ALOX15: variants seen among roughly 807,000 people sequenced by gnomAD.
The protein encoded by ALOX15 is arachidonate 15-lipoxygenase.
A neutral mutation model predicts 71.7 loss-of-function variants in ALOX15; 68 were observed. That is an observed-to-expected ratio of 0.95 (90% CI 0.78 to 1.16). The LOEUF is 1.16. Among genes scored for constraint, ALOX15 ranks in the 50% most tolerant of loss-of-function variants. The pLI is 0.00. For synonymous variants in ALOX15, 346 were observed against 333.3 expected, an observed-to-expected ratio of 1.04 and a Z score of -0.42; for missense variants, 798 against 818.8, an observed-to-expected ratio of 0.97 and a Z score of 0.31.
rs143365387 is a variant in ALOX15 at position 4,635,864 on chromosome 17, G to C, written c.1056C>G (p.Phe352Leu). The C allele has an allele frequency of 1.2e-6, 2 of 1,614,146 alleles. No individual in the cohort carries two copies. Among genetic ancestry groups the C allele is most frequent in the Admixed American group, 1.7e-5 (1 of 60,014 alleles). Reference protein sequence around the residue: ...LAKCWVRSSDFQLHELQSHLL... With the variant: ...LAKCWVRSSDLQLHELQSHLL... ...GATGAGACTGCAGCTCATGGAGCTG[G>C]AAGTCAGAGCTGCGCACCCAGCATT... The change falls in exon 8 of 14, where the codon TTC (phenylalanine) becomes TTG (leucine). Residue 352 changes from phenylalanine to leucine, a missense_variant. Transcript: ENST00000293761.
rs1177250607 is a variant in ALOX15, at chr17:4,639,638, G to A, written c.136-7C>T. The A allele has an allele frequency of 6.2e-7, 1 of 1,606,842 alleles. No homozygotes were observed. Among genetic ancestry groups the A allele is most frequent in the African/African-American group, 1.3e-5 (1 of 74,756 alleles). On this transcript the variant is annotated splice_region_variant and splice_polypyrimidine_tract_variant and intron_variant, in intron 1 of 13. Coordinates refer to ENST00000293761, the MANE Select transcript of ALOX15 (RefSeq NM_001140.5). Reference sequence around the variant, plus strand: ...CCACCTTGAGTTCTGTCTCCTGCGGGCGACAGAAGAGGCTCAGCCCCGGTG... The same window carrying A: ...CCACCTTGAGTTCTGTCTCCTGCGGACGACAGAAGAGGCTCAGCCCCGGTG...
At chr17:4,634,307 T>C (rs1911015269) in intron 8 of ALOX15, among the ~76,000 whole-genome samples, 1 of 152,152 alleles carries the variant, frequency 6.6e-6, no homozygotes, top group African/African-American at 2.4e-5. Flanking sequence ...TCTTTGTTGT[T>C]GTTGTTTTGT....
chr17:4,640,625 G>A (rs1911285594), intron 1 of ALOX15, among the ~76,000 whole-genome samples: 1 of 86,504 alleles, frequency 1.2e-5, no homozygotes. Context: ...CCTGCTCCGT[G>A]CGCATTTTCT....
At chr17:4,638,707 G>A in intron 4 of ALOX15, 23 bp from the exon 5 acceptor site, 1 of 1,613,532 alleles carries the variant, frequency 6.2e-7, no homozygotes, top group Admixed American at 1.7e-5. Context: ...ATGGGGCAAA[G>A]GGTTTGAGCA....
rs1911170374 is a variant in ALOX15, at chr17:4,637,981, T to C, written c.807+236A>G. Among the ~76,000 whole-genome samples, 5 of 152,270 alleles carry C rather than the reference T, an allele frequency of 3.3e-5. No homozygotes were observed. In the Middle Eastern group the frequency reaches 0.01, roughly 311 times the overall value. The stretch of plus-strand genomic sequence containing the variant: ...ACCAGGGGCCAGTCACATTTCTTCA[T>C]TTGACCTTGTTTCTATCAACCATTC... On this transcript the variant is annotated intron_variant, in intron 6 of 13. Transcript: ENST00000293761.
rs755715620 is a variant in ALOX15, at chr17:4,639,649, G to C, written c.136-18C>G. On this transcript the variant is annotated intron_variant, in intron 1 of 13. Transcript: ENST00000293761. ...TCTGTCTCCTGCGGGCGACAGAAGA[G>C]GCTCAGCCCCGGTGGGGCCTGGCGG... 7 of 1,598,882 alleles carry C rather than the reference G, an allele frequency of 4.4e-6. No individual in the cohort carries two copies. Among genetic ancestry groups the C allele is most frequent in the Non-Finnish European group, 5.1e-6 (6 of 1,173,062 alleles).
intron 8 of ALOX15, 89 bp from the exon 9 acceptor site, chr17:4,633,589 A>C: frequency 8.9e-7 from 1 of 1,122,908 alleles, no homozygotes; most frequent in Non-Finnish European, 1.3e-6. Flanking sequence ...GAAAGGCACC[A>C]GGTCTTCAGA....
rs767548849 is a variant in ALOX15, at chr17:4,631,634, C to T, written c.1955G>A (p.Arg652Gln). The change falls in exon 14 of 14, where the codon CGG (arginine) becomes CAG (glutamine). Residue 652 changes from arginine to glutamine, a missense_variant. Transcript: ENST00000293761. ...AKLDMPYEYL[R>Q]PSVVENSVAI is the part of the protein sequence containing the mutation. ...CACACTGTTTTCCACCACGCTGGGCCGCAGGTACTCGTAGGGCATGTCCAG... is the reference window on the plus strand; with the variant it reads ...CACACTGTTTTCCACCACGCTGGGCTGCAGGTACTCGTAGGGCATGTCCAG... 10 of 1,613,730 alleles carry T rather than the reference C, an allele frequency of 6.2e-6. No homozygotes were observed. The highest frequency in any genetic ancestry group is 1.3e-5 in the African/African-American group (1 of 75,018).
chr17:4,638,625 T>C lies in ALOX15; in HGVS notation c.602A>G (p.Asp201Gly), dbSNP rs201937446. Residue 201 changes from aspartate (D) to glycine (G), a missense_variant, in exon 5 of 14, where the codon GAT becomes GGT. Asp to Gly is a moderately conservative substitution (Grantham distance 94). This residue lies in a region of ALOX15 where 300 missense variants were observed against 283.1 expected (regional missense o/e 1.06). Transcript: ENST00000293761. ...LNVLTCWKDL[D>G]DFNRIFWCGQ... ...ACACCAGAAAATCCGGTTGAAGTCATCTAGATCCTTCCAGCAAGTCAGAAC... is the reference window on the plus strand; with the variant it reads ...ACACCAGAAAATCCGGTTGAAGTCACCTAGATCCTTCCAGCAAGTCAGAAC... 422 of 1,614,162 alleles carry C rather than the reference T, an allele frequency of 2.6e-4. 1 individual carries two copies. Among genetic ancestry groups the C allele is most frequent in the South Asian group, 4.6e-4 (42 of 91,082 alleles).
Position 4,631,955 on chromosome 17 carries a change from G to A in ALOX15, c.1743C>T (p.Pro581=). 1.2e-6 allele frequency: 2 copies of A among 1,614,154 alleles called. No individual in the cohort carries two copies. The highest frequency in any genetic ancestry group is 2.2e-5 in the East Asian group (1 of 44,882). The part of the protein sequence containing the change: ...ATLETVMATL[P]NFHQASLQMS... The stretch of plus-strand genomic sequence containing the variant: ...TCTGGAGAGAAGCCTGGTGGAAGTT[G>A]GGCAGTGTCGCCATCACTGTCTCCA... Residue 581 remains proline (P), a synonymous_variant, in exon 13 of 14, where the codon CCC becomes CCT. Transcript: ENST00000293761.
intron 10 of ALOX15, 65 bp downstream of exon 10, chr17:4,633,081 C>T (rs1167481540): frequency 6.2e-7 from 1 of 1,608,576 alleles, no homozygotes; most frequent in Non-Finnish European, 8.5e-7. Context: ...ACGCAGACCT[C>T]CTGCTCTCCT....
Position 4,631,601 on chromosome 17 carries a change from T to C in ALOX15, c.1988A>G (p.Ter663=). The change falls in exon 14 of 14, where the codon TAA becomes TGA. Residue 663 remains the stop codon, a stop_retained_variant. Transcript: ENST00000293761. ...GAAATAACCAAAGGGTGGCGACGCT[T>C]AGATGGCCACACTGTTTTCCACCAC... is the stretch of plus-strand genomic sequence containing the variant. The part of the protein sequence containing the change: ...PSVVENSVAI[*] 1.2e-6 allele frequency: 2 copies of C among 1,612,792 alleles called. No homozygotes were observed. The highest frequency in any genetic ancestry group is 1.7e-6 in the Non-Finnish European group (2 of 1,179,956).
chr17:4,635,697 G>A (rs1275567514), intron 8 of ALOX15, 62 bp downstream of exon 8: 13 of 1,541,014 alleles, frequency 8.4e-6, no homozygotes, highest in Non-Finnish European at 9.9e-6. Flanking sequence ...AGCCTCCAGA[G>A]GTCGGAACGT....
intron 11 of ALOX15, 145 bp from the exon 12 acceptor site, chr17:4,632,426 T>G: frequency 1.4e-6 from 1 of 726,946 alleles, no homozygotes; most frequent in Non-Finnish European, 2.3e-6. Context: ...GACAGCAGGT[T>G]GGGGTGGGGG....
chr17:4,635,638 A>G (rs567450812), intron 8 of ALOX15, 121 bp downstream of exon 8: 216 of 937,672 alleles, frequency 2.3e-4, no homozygotes, highest in South Asian at 7.5e-4. Context: ...TTGCTCTCAC[A>G]TTGTCCATTC....
chr17:4,634,915 T>G (rs1212157945), intron 8 of ALOX15, among the ~76,000 whole-genome samples: 1 of 151,334 alleles, frequency 6.6e-6, no homozygotes, highest in Non-Finnish European at 1.5e-5. Flanking sequence ...GAGGCAGAGG[T>G]TGCAGTGAGC....
chr17:4,631,076 A>C lies in ALOX15; in HGVS notation c.*524T>G, dbSNP rs1193609030. ...GGCCCCGTCTCCACGAAAATAAAAA[A>C]ATATTAGCTGGGCATGATGGCATGA... On this transcript the variant is annotated 3_prime_UTR_variant, in exon 14 of 14. Coordinates refer to ENST00000293761, the MANE Select transcript of ALOX15 (RefSeq NM_001140.5). 6.6e-6 allele frequency: 1 copy of C among 152,456 alleles called. No homozygotes were observed. The highest frequency in any genetic ancestry group is 1.5e-5 in the Non-Finnish European group (1 of 68,264). 9.4% of individuals were successfully genotyped at this position (152,456 alleles called of 1,614,324 possible). A position where few individuals can be genotyped will look rare whatever the true frequency, so the allele number is the denominator to read the frequency against.
At chr17:4,632,104 C>T in intron 12 of ALOX15, 48 bp from the exon 13 acceptor site, 1 of 1,610,534 alleles carries the variant, frequency 6.2e-7, no homozygotes, top group South Asian at 1.1e-5. Flanking sequence ...AGCACGCGAG[C>T]CCCGTGGTCC....
chr17:4,631,818 C>A (rs1307721495), intron 13 of ALOX15, 39 bp from the exon 14 acceptor site: 1 of 1,611,312 alleles, frequency 6.2e-7, no homozygotes, highest in South Asian at 1.1e-5. Flanking sequence ...AGCCTTATGA[C>A]CCCCAGTCTG....
Sources: gnomAD v4.1 joint callset for allele counts (sites outside exome capture counted in the v4.1 genomes callset) on GRCh38, gnomAD v4.1.1 for gene constraint, gnomAD v4.1.1 regional missense constraint, MANE v1.5 for transcripts, NCBI Gene and HGNC (gene_info 2026-07-23, HGNC 2026-07-21) for gene names.